Variants in MID1 observed in about 807,000 individuals in gnomAD.
The protein encoded by MID1 is midline 1, also known as E3 ubiquitin-protein ligase Midline-1.
Under a neutral mutation model 40.4 loss-of-function variants are expected in MID1, and 7 were observed. That is an observed-to-expected ratio of 0.17 (90% CI 0.10 to 0.33). MID1 has a LOEUF of 0.33. Among genes scored for constraint, MID1 ranks in the 10% least tolerant of loss-of-function variants. The pLI, the probability that MID1 is intolerant of heterozygous loss-of-function variation, is 1.00. For missense variants in MID1, 367 were observed against 558.5 expected (o/e 0.66, Z 3.46); for synonymous variants, 229 against 221.2 (o/e 1.04, Z -0.31).
chrX:10,691,069 A>C lies in MID1; in HGVS notation c.-186-70650T>G, dbSNP rs1478809055. ...CTACATTCTGGCAGTCTTCTAATACAATATTTTAGCTCAGTGCTGTCTAAT... is the reference window on the plus strand; with the variant it reads ...CTACATTCTGGCAGTCTTCTAATACCATATTTTAGCTCAGTGCTGTCTAAT... On this transcript the variant is annotated intron_variant, in intron 1 of 10. Transcript: ENST00000380785. Among the ~76,000 whole-genome samples the C allele has an allele frequency of 6.3e-5, 7 of 111,975 alleles. No individual in the cohort carries two copies. The Admixed American group carries it at 6.6e-4, about 11-fold the overall frequency.
intron 1 of MID1, among the ~76,000 whole-genome samples, chrX:10,734,714 T>TATGA (rs1408930901): frequency 1.8e-5 from 2 of 111,322 alleles, no homozygotes; most frequent in African/African-American, 6.5e-5. Flanking sequence ...AGTAGATAGG[T>TATGA]ATGAGTCCAT....
chrX:10,762,786 C>T (rs2043689512), intron 1 of MID1, among the ~76,000 whole-genome samples: 1 of 111,529 alleles, frequency 9.0e-6, no homozygotes, highest in Admixed American at 9.6e-5. Flanking sequence ...GATCACTAAA[C>T]GTATTCCTTA....
chrX:10,455,120 ATTGT>A (rs745636262), intron 8 of MID1, 43 bp from the exon 9 acceptor site: 1 of 1,092,373 alleles, frequency 9.2e-7, no homozygotes. Flanking sequence ...GAGGAAGAGG[ATTGT>A]TTATTTTATC....
intron 1 of MID1, among the ~76,000 whole-genome samples, chrX:10,744,435 C>A (rs2043545646): frequency 8.9e-6 from 1 of 111,808 alleles, no homozygotes; most frequent in African/African-American, 3.3e-5. Flanking sequence ...TAATTTATCA[C>A]CCTGTTCTTG....
Position 10,602,225 on chromosome X carries a change from C to CTTTTTTTTTTTT in MID1, c.-57+18053_-57+18064dup, listed in dbSNP as rs56897260. 6.5e-4 allele frequency among the ~76,000 whole-genome samples: 54 copies of CTTTTTTTTTTTT among 83,522 alleles called. 1 individual carries two copies. Among genetic ancestry groups the CTTTTTTTTTTTT allele is most frequent in the African/African-American group, 2.5e-3 (52 of 20,552 alleles). The allele number at this position is 83,522 out of a possible 115,157, so 72.5% of individuals were successfully genotyped here. ...TAACAATTAAGCAAATAGTTTCTGA[C>CTTTTTTTTTTTT]TTTTTTTTTTTTTTTTTTACCACCA... On this transcript the variant is annotated intron_variant, in intron 1 of 9. Coordinates refer to ENST00000317552, the MANE Select transcript of MID1 (RefSeq NM_000381.4).
chrX:10,553,046 G>A (rs1239992932), intron 2 of MID1, among the ~76,000 whole-genome samples: 4 of 110,388 alleles, frequency 3.6e-5, no homozygotes. Flanking sequence ...TCAGGAGTTC[G>A]AGATCAGCCT....
chrX:10,756,886 C>T (rs1004156144), intron 1 of MID1, among the ~76,000 whole-genome samples: 5 of 111,666 alleles, frequency 4.5e-5, no homozygotes, highest in African/African-American at 1.6e-4. Context: ...GCATTGGACC[C>T]AAGTTGCATT....
intron 1 of MID1, among the ~76,000 whole-genome samples, chrX:10,781,718 C>G (rs1024666770): frequency 3.6e-5 from 4 of 111,687 alleles, no homozygotes; most frequent in Non-Finnish European, 7.5e-5. Flanking sequence ...TAATACATTC[C>G]AATATGTTTG....
chrX:10,708,367 A>G (rs2043245101), intron 1 of MID1, among the ~76,000 whole-genome samples: 1 of 112,098 alleles, frequency 8.9e-6, no homozygotes, highest in South Asian at 3.7e-4. Flanking sequence ...TGGTAACAAA[A>G]TAACTCCCAC....
intron 1 of MID1, among the ~76,000 whole-genome samples, chrX:10,790,216 C>T (rs757585373): frequency 2.7e-5 from 3 of 110,610 alleles, no homozygotes; most frequent in Non-Finnish European, 5.7e-5. Context: ...CTCTGTCACC[C>T]AGGCAGTAGT....
At position 10,673,790 on chromosome X, in the gene MID1, A is replaced by T. The variant is rs376288462; in HGVS notation, c.-186-53371T>A. On this transcript the variant is annotated intron_variant, in intron 1 of 10. Coordinates refer to the MID1 transcript ENST00000380785. ...TAGTGTGGCATGAATTTATTCTTAA[A>T]TTCTCTGGTCCTTCATTCCATCATC... 6.3e-5 allele frequency among the ~76,000 whole-genome samples: 7 copies of T among 111,401 alleles called. No homozygotes were observed. In the East Asian group the frequency reaches 2.0e-3, roughly 32 times the overall value.
At chrX:10,794,707 C>G (rs184192500) in intron 1 of MID1, among the ~76,000 whole-genome samples, 48 of 112,370 alleles carry the variant, frequency 4.3e-4, no homozygotes, top group African/African-American at 1.5e-3. Flanking sequence ...AACCGAAGCA[C>G]AAAATTAAGT....
intron 1 of MID1, among the ~76,000 whole-genome samples, chrX:10,636,792 A>ATATATATATATATATG (rs1555911867): frequency 0.013 from 865 of 64,541 alleles, 42 homozygotes; most frequent in African/African-American, 0.048. Context: ...GGGGATATAT[A>ATATATATATATATATG]TATATATATA....
intron 2 of MID1, among the ~76,000 whole-genome samples, chrX:10,523,694 A>G (rs1429357089): frequency 1.8e-5 from 2 of 111,038 alleles, no homozygotes; most frequent in Non-Finnish European, 3.8e-5. Flanking sequence ...TCCTCATCAC[A>G]CACACATTTG....
chrX:10,673,283 G>A (rs2043000596), intron 1 of MID1, among the ~76,000 whole-genome samples: 2 of 111,037 alleles, frequency 1.8e-5, no homozygotes, highest in South Asian at 3.8e-4. Flanking sequence ...AGGCTGTGTC[G>A]GTATAGAAAC....
chrX:10,788,058 A>G (rs981098715), intron 1 of MID1, among the ~76,000 whole-genome samples: 1 of 111,521 alleles, frequency 9.0e-6, no homozygotes, highest in Admixed American at 9.5e-5. Context: ...AGGTTGCCAG[A>G]ATTTGATCCA....
At chrX:10,601,108 A>C (rs1426274235) in intron 1 of MID1, among the ~76,000 whole-genome samples, 1 of 112,762 alleles carries the variant, frequency 8.9e-6, no homozygotes, top group African/African-American at 3.2e-5. Context: ...TATTTGCTAA[A>C]AAAGTTGAGT....
At chrX:10,638,339 C>T (rs1445881727) in intron 1 of MID1, among the ~76,000 whole-genome samples, 2 of 112,309 alleles carry the variant, frequency 1.8e-5, no homozygotes, top group African/African-American at 3.2e-5. Flanking sequence ...CCTTAGCAAA[C>T]GGCACACCAG....
At chrX:10,658,584 C>T (rs891437381) in intron 1 of MID1, among the ~76,000 whole-genome samples, 83 of 109,567 alleles carry the variant, frequency 7.6e-4, no homozygotes, top group African/African-American at 2.7e-3. Flanking sequence ...CACTCCAACT[C>T]AGGAGGACGT....
Sources: gnomAD v4.1 joint callset for allele counts (sites outside exome capture counted in the v4.1 genomes callset) on GRCh38, gnomAD v4.1.1 for gene constraint, MANE v1.5 for transcripts, NCBI Gene and HGNC (gene_info 2026-07-23, HGNC 2026-07-21) for gene names.